SGCD: variants seen among roughly 807,000 people sequenced by gnomAD.
SGCD encodes the protein sarcoglycan delta, also known as delta-sarcoglycan.
Under a neutral mutation model 36.6 loss-of-function variants are expected in SGCD, and 18 were observed. That is an observed-to-expected ratio of 0.49 (90% CI 0.34 to 0.73). The LOEUF is 0.73. Among genes scored for constraint, SGCD ranks in the 30% least tolerant of loss-of-function variants. The pLI, the probability that SGCD is intolerant of heterozygous loss-of-function variation, is 0.01. For missense variants in SGCD, 387 were observed against 346.7 expected (o/e 1.12, Z -0.92); for synonymous variants, 133 against 130.6 (o/e 1.02, Z -0.12).
intron 4 of SGCD, among the ~76,000 whole-genome samples, chr5:156,552,071 C>A (rs561129551): frequency 2.0e-5 from 3 of 152,312 alleles, no homozygotes; most frequent in Admixed American, 2.0e-4. Context: ...TTGTCCATAG[C>A]ATGGACATCT....
chr5:155,895,378 T>C (rs1756227621), intron 1 of SGCD, among the ~76,000 whole-genome samples: 1 of 152,352 alleles, frequency 6.6e-6, no homozygotes, highest in Non-Finnish European at 1.5e-5. Context: ...TCAAATGTGA[T>C]TGCTACATGA....
chr5:156,587,948 T>C (rs898220554), intron 4 of SGCD, among the ~76,000 whole-genome samples: 2 of 151,064 alleles, frequency 1.3e-5, no homozygotes, highest in East Asian at 2.0e-4. Context: ...ACTTTGCCTG[T>C]CTTCTGCTTG....
In SGCD at chr5:156,760,464, T is replaced by C. The variant is rs965678093; in HGVS notation, c.*1074T>C. 1.3e-5 allele frequency: 2 copies of C among 152,216 alleles called. No individual in the cohort carries two copies. The highest frequency in any genetic ancestry group is 4.8e-5 in the African/African-American group (2 of 41,440). The allele number at this position is 152,216 out of a possible 1,614,324, so 9.4% of individuals were successfully genotyped here. A position where few individuals can be genotyped will look rare whatever the true frequency, so the allele number is the denominator to read the frequency against. Reference sequence around the variant, plus strand: ...TTTATTTTTAAAGGCATTCACAAACTCTCTGACTTTGTTCTTCTTATATAT... The same window carrying C: ...TTTATTTTTAAAGGCATTCACAAACCCTCTGACTTTGTTCTTCTTATATAT... On this transcript the variant is annotated 3_prime_UTR_variant, in exon 9 of 9. Transcript: ENST00000337851.
At chr5:156,621,541 G>A (rs1405997277) in intron 6 of SGCD, among the ~76,000 whole-genome samples, 2 of 152,064 alleles carry the variant, frequency 1.3e-5, no homozygotes, top group Non-Finnish European at 1.5e-5. Context: ...GTGCGTTATG[G>A]GAGCAAAGTA....
chr5:156,469,896 A>C (rs113172677), intron 3 of SGCD, among the ~76,000 whole-genome samples: 2,012 of 152,358 alleles, frequency 0.013, 38 homozygotes, highest in African/African-American at 0.045. Flanking sequence ...AGATGCGTAA[A>C]CATGGGCCAA....
intron 3 of SGCD, among the ~76,000 whole-genome samples, chr5:156,141,685 T>G (rs1164110464): frequency 2.0e-5 from 3 of 152,160 alleles, no homozygotes; most frequent in African/African-American, 7.2e-5. Context: ...TTATTTACAC[T>G]GAAGGAAGAG....
intron 3 of SGCD, among the ~76,000 whole-genome samples, chr5:156,257,302 G>A (rs1434673828): frequency 3.3e-5 from 5 of 151,806 alleles, no homozygotes; most frequent in African/African-American, 1.2e-4. Context: ...GTGAAACCCC[G>A]TCTCTACTAA....
chr5:156,108,982 C>G (rs1015576205), intron 1 of SGCD, among the ~76,000 whole-genome samples: 1 of 152,060 alleles, frequency 6.6e-6, no homozygotes, highest in Non-Finnish European at 1.5e-5. Flanking sequence ...GAGTATAGGC[C>G]GTGCTTGCTA....
the SGCD span, among the ~76,000 whole-genome samples, chr5:155,730,917 T>C: frequency 6.6e-6 from 1 of 152,174 alleles, no homozygotes; most frequent in Non-Finnish European, 1.5e-5. Context: ...AGTAGAGTGA[T>C]TTCCCAGATG....
At position 156,321,292 on chromosome 5, in the gene SGCD, C is replaced by T. The variant is rs376509698; in HGVS notation, c.-43-8242C>T. On this transcript the variant is annotated intron_variant, in intron 3 of 9. Coordinates refer to the SGCD transcript ENST00000517913. ...AAAATTAGCCAGGCATGGTGGTGGG[C>T]GCCTGTAGTCCCAGCTACTCGGGAG... Among the ~76,000 whole-genome samples the T allele has an allele frequency of 2.7e-3, 409 of 151,982 alleles. 4 individuals carry two copies. The highest frequency in any genetic ancestry group is 9.4e-3 in the African/African-American group (388 of 41,464).
At chr5:155,776,755 A>G in the SGCD span, among the ~76,000 whole-genome samples, 1 of 152,026 alleles carries the variant, frequency 6.6e-6, no homozygotes, top group East Asian at 1.9e-4. Context: ...TTTTCGGGCA[A>G]AATGTCTGCT....
At chr5:156,362,018 A>G (rs1054766633) in intron 3 of SGCD, among the ~76,000 whole-genome samples, 3 of 152,210 alleles carry the variant, frequency 2.0e-5, no homozygotes, top group African/African-American at 7.2e-5. Context: ...TTTTAGGCCG[A>G]AGGAAAAGCA....
chr5:155,839,251 A>T, the SGCD span, among the ~76,000 whole-genome samples: 2 of 152,244 alleles, frequency 1.3e-5, no homozygotes, highest in Non-Finnish European at 2.9e-5. Flanking sequence ...TTGTAATGAT[A>T]TCATCAGTGT....
intron 3 of SGCD, among the ~76,000 whole-genome samples, chr5:156,179,825 T>C (rs68120551): frequency 0.33 from 49,729 of 151,934 alleles, 8,771 homozygotes; most frequent in South Asian, 0.42. Context: ...GGTTTCATCA[T>C]GTTGCCCAGG....
At chr5:155,958,147 C>T (rs556468855) in intron 1 of SGCD, among the ~76,000 whole-genome samples, 10 of 152,090 alleles carry the variant, frequency 6.6e-5, no homozygotes, top group Non-Finnish European at 1.3e-4. Context: ...CTGCTTACCC[C>T]AGGATTGCTG....
intron 4 of SGCD, among the ~76,000 whole-genome samples, chr5:156,575,058 C>T: frequency 6.6e-6 from 1 of 152,142 alleles, no homozygotes; most frequent in East Asian, 1.9e-4. Flanking sequence ...TGGAAGAGCC[C>T]TGTTTGCAAA....
At chr5:156,047,242 A>G (rs1282293701) in intron 1 of SGCD, among the ~76,000 whole-genome samples, 1 of 152,194 alleles carries the variant, frequency 6.6e-6, no homozygotes, top group African/African-American at 2.4e-5. Flanking sequence ...AGAGTGAAGC[A>G]GCAAGTGTTG....
intron 1 of SGCD, among the ~76,000 whole-genome samples, chr5:155,965,695 T>C (rs1334763091): frequency 6.6e-6 from 1 of 152,104 alleles, no homozygotes; most frequent in Non-Finnish European, 1.5e-5. Context: ...GTGCAGAGAA[T>C]GCAGTTGTGC....
intron 3 of SGCD, among the ~76,000 whole-genome samples, chr5:156,206,743 A>G (rs1375473963): frequency 6.6e-6 from 1 of 151,994 alleles, no homozygotes; most frequent in Non-Finnish European, 1.5e-5. Context: ...TTTTCATTCA[A>G]GGAAGGGCTG....
Sources: gnomAD v4.1 joint callset for allele counts (sites outside exome capture counted in the v4.1 genomes callset) on GRCh38, gnomAD v4.1.1 for gene constraint, MANE v1.5 for transcripts, NCBI Gene and HGNC (gene_info 2026-07-23, HGNC 2026-07-21) for gene names.